Variants in DHX38 observed in about 807,000 individuals in gnomAD.
DHX38 encodes DEAH-box helicase 38.
DHX38 carries 100 observed loss-of-function variants against 153.1 expected under a neutral mutation model. The ratio of observed to expected loss-of-function variants is 0.65; its 90% CI spans 0.56 to 0.77. The LOEUF is 0.77. DHX38 is among the 30% of genes least tolerant of loss of function. The pLI, the probability that DHX38 is intolerant of heterozygous loss-of-function variation, is 0.00. For missense variants in DHX38, 1,440 were observed against 1,654.0 expected, an observed-to-expected ratio of 0.87 and a Z score of 2.24; for synonymous variants, 650 against 631.7, an observed-to-expected ratio of 1.03 and a Z score of -0.43.
In DHX38 at chr16:72,097,715, C is replaced by T. The variant is rs778241309; in HGVS notation, c.550C>T (p.Arg184Ter). The T allele has an allele frequency of 1.9e-6, 3 of 1,614,034 alleles. No individual in the cohort carries two copies. The highest frequency in any genetic ancestry group is 2.5e-6 in the Non-Finnish European group (3 of 1,179,972). Residue 184 changes from arginine to a stop codon, truncating the protein, a stop_gained, in exon 4 of 27, where the codon CGA (arginine) becomes TGA (stop). Coordinates refer to ENST00000268482, the MANE Select transcript of DHX38 (RefSeq NM_014003.4). LOFTEE classifies it high-confidence loss of function. ...DRSRHSSRSE[R>*]DGGSERSSRR... ...AAGTAGGCACAGCAGCAGATCAGAGCGAGATGGAGGGTCAGAGCGTAGCAG... is the reference window on the plus strand; with the variant it reads ...AAGTAGGCACAGCAGCAGATCAGAGTGAGATGGAGGGTCAGAGCGTAGCAG...
At chr16:72,097,114 C>T (rs962383734) in intron 3 of DHX38, 105 bp downstream of exon 3, 1 of 1,290,942 alleles carries the variant, frequency 7.7e-7, no homozygotes, top group Non-Finnish European at 1.1e-6. Context: ...TTAGGGAGTC[C>T]TATTTGCATG....
Position 72,096,935 on chromosome 16 carries a change from C to T in DHX38, c.437C>T (p.Ala146Val), listed in dbSNP as rs1453239145. 1 of 1,614,048 alleles carries T rather than the reference C, an allele frequency of 6.2e-7. No homozygotes were observed. Among genetic ancestry groups the T allele is most frequent in the Non-Finnish European group, 8.5e-7 (1 of 1,179,984 alleles). The change falls in exon 3 of 27, where the codon GCC becomes GTC. Residue 146 changes from alanine to valine, a missense_variant. By Grantham distance (64) the Ala-to-Val change is moderately conservative. This residue lies in a region of DHX38 where 483 missense variants were observed against 465.1 expected (regional missense o/e 1.04). Coordinates refer to ENST00000268482, the MANE Select transcript of DHX38 (RefSeq NM_014003.4). ...GAGCGGCGGGAACATGGTGTCTATG[C>T]CTCGTCCAAAGAAGAAAAGGATTGG... ...ERERREHGVY[A>V]SSKEEKDWKK... is the part of the protein sequence containing the mutation.
At chr16:72,097,838 G>A (rs913464685) in intron 4 of DHX38, 57 bp downstream of exon 4, 10 of 1,454,072 alleles carry the variant, frequency 6.9e-6, no homozygotes, top group Non-Finnish European at 1.9e-6. Flanking sequence ...GGCAGAGTGA[G>A]TGACTCTCGT....
At position 72,096,897 on chromosome 16, in the gene DHX38, G is replaced by T. The variant is rs746171802; in HGVS notation, c.399G>T (p.Arg133=). 1.5e-5 allele frequency: 24 copies of T among 1,614,136 alleles called. No homozygotes were observed. The highest frequency in any genetic ancestry group is 2.0e-5 in the Non-Finnish European group (24 of 1,180,000). ...GCGAAGAGTTTTGGGAACGCAGTCG[G>T]CAGAGAGAGCGGGAGCGGCGGGAAC... ...GVSEEFWERS[R]QRERERREHG... The change falls in exon 3 of 27, where the codon CGG becomes CGT. Residue 133 remains arginine (R), a synonymous_variant. Coordinates refer to ENST00000268482, the MANE Select transcript of DHX38 (RefSeq NM_014003.4).
In DHX38 at chr16:72,107,573, G is replaced by A. The variant is rs1336139290; in HGVS notation, c.2809+25G>A. ...GGTGAGGCGGCCCCGGGAGCCTCAT[G>A]GGTGCTGGCGCTTGACTTCCTTCTT... On this transcript the variant is annotated intron_variant, in intron 20 of 26. Coordinates refer to ENST00000268482, the MANE Select transcript of DHX38 (RefSeq NM_014003.4). This position sits in a 1 kb window ranked among gnomAD's most constrained non-coding sequence, Gnocchi z 5.3. 6.2e-7 allele frequency: 1 copy of A among 1,609,726 alleles called. No homozygotes were observed.
chr16:72,105,929 G>T lies in DHX38; in HGVS notation c.2488-76G>T, dbSNP rs1181799760. ...TCCTCTGCCATGTGTAGCAACCAGGGCTTGCCTTTGTCTCAGGCCTACTTC... is the reference window on the plus strand; with the variant it reads ...TCCTCTGCCATGTGTAGCAACCAGGTCTTGCCTTTGTCTCAGGCCTACTTC... On this transcript the variant is annotated intron_variant, in intron 18 of 26. Coordinates refer to ENST00000268482, the MANE Select transcript of DHX38 (RefSeq NM_014003.4). 5.1e-6 allele frequency: 7 copies of T among 1,379,736 alleles called. No individual in the cohort carries two copies. In the South Asian group the frequency reaches 7.2e-5, roughly 14 times the overall value. The allele number at this position is 1,379,736 out of a possible 1,614,324, so 85.5% of individuals were successfully genotyped here.
At position 72,105,599 on chromosome 16, in the gene DHX38, T is replaced by C; in HGVS notation, c.2462T>C (p.Ile821Thr). 6.2e-7 allele frequency: 1 copy of C among 1,614,150 alleles called. No homozygotes were observed. The highest frequency in any genetic ancestry group is 8.5e-7 in the Non-Finnish European group (1 of 1,180,024). ...SLTVDGIMFV[I>T]DSGYCKLKVF... is the part of the protein sequence containing the mutation. The stretch of plus-strand genomic sequence containing the variant: ...ACTGTTGACGGCATCATGTTTGTTA[T>C]CGATTCTGGTTATTGCAAATTAAAG... The change falls in exon 18 of 27, where the codon ATC (isoleucine) becomes ACC (threonine). Residue 821 changes from isoleucine (I) to threonine (T), a missense_variant. This residue lies in a region of DHX38 where 543 missense variants were observed against 717.9 expected (regional missense o/e 0.76). Coordinates refer to ENST00000268482, the MANE Select transcript of DHX38 (RefSeq NM_014003.4).
chr16:72,096,554 T>C, intron 2 of DHX38, 74 bp downstream of exon 2: 1 of 1,478,950 alleles, frequency 6.8e-7, no homozygotes, highest in Non-Finnish European at 8.9e-7. Context: ...TGTTTATCTC[T>C]CAGTTTTCCT....
At chr16:72,096,704 C>A (rs1275357651) in intron 2 of DHX38, 118 bp from the exon 3 acceptor site, 18 of 1,489,580 alleles carry the variant, frequency 1.2e-5, no homozygotes, top group Non-Finnish European at 1.4e-5. Flanking sequence ...ATATGTGAGC[C>A]TGCGTCCCAG....
At position 72,107,758 on chromosome 16, in the gene DHX38, G is replaced by A. The variant is rs1167626933; in HGVS notation, c.2923G>A (p.Val975Ile). ...MGCSSEILLI[V>I]SMLSVPAIFY... ...CTGCAGCTCCGAGATCCTGCTCATC[G>A]TTTCCATGCTCTCGGTCCCAGCCAT... Residue 975 changes from valine (V) to isoleucine (I), a missense_variant, in exon 21 of 27, where the codon GTT becomes ATT. By Grantham distance (29) the Val-to-Ile change is conservative. Around this residue, in one of 6 missense-constraint regions of DHX38, gnomAD observed 543 missense variants for 717.9 expected, o/e 0.76. Transcript: ENST00000268482. The surrounding 1 kb of genome is among the most constrained non-coding windows in gnomAD (Gnocchi z 5.3). 13 of 1,614,024 alleles carry A rather than the reference G, an allele frequency of 8.1e-6. No homozygotes were observed. Among genetic ancestry groups the A allele is most frequent in the Admixed American group, 1.7e-5 (1 of 60,020 alleles).
chr16:72,095,891 T>TGG (rs1384339092), intron 1 of DHX38, among the ~76,000 whole-genome samples: 47 of 140,160 alleles, frequency 3.4e-4, no homozygotes, highest in African/African-American at 9.8e-4. Flanking sequence ...GAGGAATGTA[T>TGG]GGGGTGTGTG....
intron 11 of DHX38, 79 bp downstream of exon 11, chr16:72,101,691 C>A: frequency 8.4e-7 from 1 of 1,186,554 alleles, no homozygotes; most frequent in South Asian, 1.3e-5. Flanking sequence ...CAGAACCCAT[C>A]GACTTTGTGG....
Position 72,104,884 on chromosome 16 carries a change from C to T in DHX38, c.2152-143C>T, listed in dbSNP as rs945255538. 1.8e-5 allele frequency: 16 copies of T among 868,288 alleles called. 1 individual carries two copies. The highest frequency in any genetic ancestry group is 1.4e-4 in the Admixed American group (5 of 36,974). 53.8% of individuals were successfully genotyped at this position (868,288 alleles called of 1,614,324 possible). A position where few individuals can be genotyped will look rare whatever the true frequency, so the allele number is the denominator to read the frequency against. ...ACTGTGCCCTCTTGTAGAGGCCTCG[C>T]AGTCAGGCCCATGTGGAGGTGTGGT... On this transcript the variant is annotated intron_variant, in intron 15 of 26. Transcript: ENST00000268482. The surrounding 1 kb of genome is among the most constrained non-coding windows in gnomAD (Gnocchi z 4.5).
intron 8 of DHX38, 88 bp downstream of exon 8, chr16:72,099,975 C>T (rs951359890): frequency 1.3e-6 from 2 of 1,494,034 alleles, no homozygotes; most frequent in Non-Finnish European, 1.8e-6. Context: ...GTGAGGGCAG[C>T]ACAGCTTGTC....
Position 72,108,688 on chromosome 16 carries a change from C to T in DHX38, c.3255+81C>T, listed in dbSNP as rs926641389. ...GTTCTTCCTTTGTCCTGGTGTGGTT[C>T]TGCAGATCTGGGCTTCCGCCAAAGG... On this transcript the variant is annotated intron_variant, in intron 23 of 26. Coordinates refer to ENST00000268482, the MANE Select transcript of DHX38 (RefSeq NM_014003.4). The T allele has an allele frequency of 3.8e-6, 6 of 1,589,008 alleles. No individual in the cohort carries two copies. In the East Asian group the frequency reaches 9.0e-5, roughly 24 times the overall value.
intron 2 of DHX38, 47 bp downstream of exon 2, chr16:72,096,527 T>A (rs751003740): frequency 5.2e-6 from 8 of 1,525,778 alleles, no homozygotes; most frequent in Non-Finnish European, 7.0e-6. Context: ...GAACGGAGGC[T>A]GGAAAATAAC....
At chr16:72,109,681 G>A (rs1270665193) in intron 25 of DHX38, 171 bp downstream of exon 25, 1 of 548,430 alleles carries the variant, frequency 1.8e-6, no homozygotes, top group Non-Finnish European at 3.0e-6. Flanking sequence ...CACTCCAGTT[G>A]TTTGGTAGGC....
chr16:72,102,183 A>G (rs1019337888), intron 11 of DHX38, among the ~76,000 whole-genome samples: 5 of 152,170 alleles, frequency 3.3e-5, no homozygotes, highest in African/African-American at 1.2e-4. Context: ...GAATGCCCTT[A>G]TGTTCTACTG....
rs1348375822 is a variant in DHX38, at chr16:72,097,523, T to C, written c.512-154T>C. ...TAACTATTTTTCCCCCTTGGGAGAATGGGGATAGGTGAGTTTCAGGAGTCC... is the reference window on the plus strand; with the variant it reads ...TAACTATTTTTCCCCCTTGGGAGAACGGGGATAGGTGAGTTTCAGGAGTCC... On this transcript the variant is annotated intron_variant, in intron 3 of 26. Coordinates refer to ENST00000268482, the MANE Select transcript of DHX38 (RefSeq NM_014003.4). The C allele has an allele frequency of 2.3e-5, 14 of 617,908 alleles. No homozygotes were observed. The East Asian group carries it at 3.9e-4, about 17-fold the overall frequency. The allele number at this position is 617,908 out of a possible 1,614,324, so 38.3% of individuals were successfully genotyped here. A position where few individuals can be genotyped will look rare whatever the true frequency, so the allele number is the denominator to read the frequency against.
Sources: allele counts gnomAD v4.1 joint callset (sites outside exome capture counted in the v4.1 genomes callset), GRCh38; gene constraint gnomAD v4.1.1; regional missense constraint gnomAD v4.1.1; non-coding constraint Gnocchi (gnomAD v3.1); transcripts MANE v1.5; gene names NCBI Gene and HGNC (gene_info 2026-07-23, HGNC 2026-07-21).